The following PLB1 variants were observed in gnomAD, a reference collection of about 807,000 sequenced individuals.
The protein encoded by PLB1 is phospholipase B1, membrane-associated.
A neutral mutation model predicts 227.4 loss-of-function variants in PLB1; 242 were observed. That is an observed-to-expected ratio of 1.06 (90% confidence interval 0.96 to 1.18). The LOEUF is 1.18. Among genes scored for constraint, PLB1 ranks in the 50% most tolerant of loss-of-function variants. PLB1 has a pLI of 0.00. For synonymous variants in PLB1, 757 were observed against 682.2 expected, an observed-to-expected ratio of 1.11 and a Z score of -1.71; for missense variants, 1,858 against 1,816.3, an observed-to-expected ratio of 1.02 and a Z score of -0.42.
chr2:28,632,457 G>A (rs956522157), intron 55 of PLB1, among the ~76,000 whole-genome samples: 1 of 152,144 alleles, frequency 6.6e-6, no homozygotes, highest in Non-Finnish European at 1.5e-5. Context: ...TGAAAGAAAA[G>A]GGAGAGACTA....
intron 44 of PLB1, among the ~76,000 whole-genome samples, chr2:28,614,486 C>A (rs1280696154): frequency 4.0e-5 from 6 of 151,040 alleles, no homozygotes; most frequent in Non-Finnish European, 8.8e-5. Context: ...GGGGATGGGA[C>A]CCAAAAGGAA....
At chr2:28,596,419 C>A (rs1487292576) in intron 33 of PLB1, among the ~76,000 whole-genome samples, 2 of 152,114 alleles carry the variant, frequency 1.3e-5, no homozygotes, top group Non-Finnish European at 2.9e-5. Context: ...GCCTGTTGGT[C>A]TTGATTAGCC....
Position 28,589,119 on chromosome 2 carries a change from C to T in PLB1, c.1816-331C>T, listed in dbSNP as rs565557035. 1.8e-4 allele frequency among the ~76,000 whole-genome samples: 27 copies of T among 151,978 alleles called. 1 individual carries two copies. Among genetic ancestry groups the T allele is most frequent in the East Asian group, 1.2e-3 (6 of 5,150 alleles). On this transcript the variant is annotated intron_variant, in intron 26 of 57. Coordinates refer to ENST00000327757, the MANE Select transcript of PLB1 (RefSeq NM_153021.5). ...GGCGGAGGTTGCAGTGAGCCAAGAT[C>T]GCGCCATTGCACTCCAGCCTGGGTG... is the stretch of plus-strand genomic sequence containing the variant.
chr2:28,518,728 A>G (rs1258008338), intron 3 of PLB1, among the ~76,000 whole-genome samples, 196 bp downstream of exon 3: 1 of 152,170 alleles, frequency 6.6e-6, no homozygotes, highest in East Asian at 1.9e-4. Context: ...GGATGAGGGT[A>G]ATCTCCAGGA....
intron 22 of PLB1, 43 bp downstream of exon 22, chr2:28,578,201 C>G: frequency 6.3e-7 from 1 of 1,588,508 alleles, no homozygotes; most frequent in Non-Finnish European, 8.6e-7. Flanking sequence ...AATCCCTGGA[C>G]ACAGAGAAGA....
At chr2:28,603,647 C>G (rs891208645) in intron 39 of PLB1, among the ~76,000 whole-genome samples, 11 of 152,256 alleles carry the variant, frequency 7.2e-5, no homozygotes, top group African/African-American at 2.4e-4. Flanking sequence ...TAATTAAACA[C>G]TAAATTTTCA....
chr2:28,628,315 T>G (rs1688094289), intron 51 of PLB1, among the ~76,000 whole-genome samples: 1 of 152,118 alleles, frequency 6.6e-6, no homozygotes. Context: ...AGTCCACTGT[T>G]GGGTCTGAGA....
intron 5 of PLB1, 77 bp downstream of exon 5, chr2:28,525,384 G>A: frequency 6.7e-7 from 1 of 1,495,128 alleles, no homozygotes; most frequent in Non-Finnish European, 9.2e-7. Flanking sequence ...TTATTAATGG[G>A]AAAGATTGGA....
At chr2:28,566,524 G>A (rs1676932088) in intron 19 of PLB1, 1 of 448,552 alleles carries the variant, frequency 2.2e-6, no homozygotes, top group East Asian at 3.6e-5. Flanking sequence ...AAGCAGGGGT[G>A]CAAGGAACCA....
chr2:28,589,457 C>T lies in PLB1; in HGVS notation c.1823C>T (p.Thr608Ile). 6.2e-7 allele frequency: 1 copy of T among 1,614,046 alleles called. No individual in the cohort carries two copies. Among genetic ancestry groups the T allele is most frequent in the Non-Finnish European group, 8.5e-7 (1 of 1,179,916 alleles). Residue 608 changes from threonine (T) to isoleucine (I), a missense_variant, in exon 27 of 58, where the codon ACC (threonine) becomes ATC (isoleucine). Thr to Ile is a moderately conservative substitution (Grantham distance 89, BLOSUM62 -1). Coordinates refer to ENST00000327757, the MANE Select transcript of PLB1 (RefSeq NM_153021.5). Reference protein sequence around the residue: ...IEFNKKFQEKTHQLIESGRYD... With the variant: ...IEFNKKFQEKIHQLIESGRYD... ...CCCCTTTTCCTCCTGCAGGAGAAGA[C>T]CCACCAACTGATTGAGAGTGGGCGA...
chr2:28,633,210 T>TGGA (rs1332659017), intron 56 of PLB1, 171 bp downstream of exon 56: 8 of 588,586 alleles, frequency 1.4e-5, no homozygotes, highest in South Asian at 2.1e-5. Context: ...AAATACCCTA[T>TGGA]ATTTATCCAA....
chr2:28,519,246 G>T (rs1362062661), intron 3 of PLB1, among the ~76,000 whole-genome samples: 3 of 152,174 alleles, frequency 2.0e-5, no homozygotes, highest in Non-Finnish European at 4.4e-5. Flanking sequence ...ATCTGGTGTG[G>T]ATATGTGTTC....
intron 33 of PLB1, chr2:28,595,016 T>C (rs543724946): frequency 3.9e-5 from 6 of 152,098 alleles, no homozygotes; most frequent in African/African-American, 1.2e-4. Flanking sequence ...ACGAACCACA[T>C]TGCAGGTGAT....
chr2:28,510,839 G>A (rs1011221706), intron 1 of PLB1, among the ~76,000 whole-genome samples: 1 of 148,336 alleles, frequency 6.7e-6, no homozygotes, highest in Non-Finnish European at 1.5e-5. Context: ...TGTTGCTTAG[G>A]CTGGTCTTGA....
rs78653157 is a variant in PLB1, at chr2:28,502,756, A to G, written c.55+6587A>G. Among the ~76,000 whole-genome samples the G allele has an allele frequency of 9.9e-3, 1,504 of 152,128 alleles. 33 individuals are homozygous for G. Among genetic ancestry groups the G allele is most frequent in the African/African-American group, 0.034 (1,425 of 41,520 alleles). On this transcript the variant is annotated intron_variant, in intron 1 of 57. Coordinates refer to ENST00000327757, the MANE Select transcript of PLB1 (RefSeq NM_153021.5). ...TACAGTCTCATAAAATGAATTTGGGAGTGTTCCTATTTTTCTGTTTTCTGG... is the reference window on the plus strand; with the variant it reads ...TACAGTCTCATAAAATGAATTTGGGGGTGTTCCTATTTTTCTGTTTTCTGG...
At chr2:28,548,224 A>G (rs917009279) in intron 14 of PLB1, among the ~76,000 whole-genome samples, 1 of 152,100 alleles carries the variant, frequency 6.6e-6, no homozygotes, top group East Asian at 1.9e-4. Context: ...TCCATTCTCT[A>G]TTGTGCGCAG....
In PLB1 at chr2:28,565,688, G is replaced by C. The variant is rs187338092; in HGVS notation, c.1280+335G>C. Among the ~76,000 whole-genome samples, 17 of 152,248 alleles carry C rather than the reference G, an allele frequency of 1.1e-4. No homozygotes were observed. In the East Asian group the frequency reaches 1.5e-3, roughly 14 times the overall value. ...AGTGATGCACAGATCATTGCCTTTGGAACCAGAGTTGTAGCTGAGCCCTAG... is the reference window on the plus strand; with the variant it reads ...AGTGATGCACAGATCATTGCCTTTGCAACCAGAGTTGTAGCTGAGCCCTAG... On this transcript the variant is annotated intron_variant, in intron 19 of 57. Coordinates refer to ENST00000327757, the MANE Select transcript of PLB1 (RefSeq NM_153021.5).
At chr2:28,498,707 C>T (rs567856927) in intron 1 of PLB1, among the ~76,000 whole-genome samples, 61 of 152,278 alleles carry the variant, frequency 4.0e-4, no homozygotes, top group African/African-American at 1.4e-3. Context: ...CTTTTTTGCT[C>T]TATTAGTCCT....
At chr2:28,576,573 TACA>T (rs1262088149) in intron 21 of PLB1, among the ~76,000 whole-genome samples, 2 of 152,130 alleles carry the variant, frequency 1.3e-5, no homozygotes, top group African/African-American at 4.8e-5. Flanking sequence ...CTACTAAAAA[TACA>T]ACAATTAGCC....
Sources: gnomAD v4.1 joint callset for allele counts (sites outside exome capture counted in the v4.1 genomes callset) on GRCh38, gnomAD v4.1.1 for gene constraint, MANE v1.5 for transcripts, NCBI Gene and HGNC (gene_info 2026-07-23, HGNC 2026-07-21) for gene names.